WDR20: variants seen among roughly 807,000 people sequenced by gnomAD.
The protein encoded by WDR20 is WD repeat-containing protein 20.
WDR20 carries 3 observed loss-of-function variants against 38.7 expected under a neutral mutation model. The ratio of observed to expected loss-of-function variants is 0.08; its 90% CI spans 0.04 to 0.20. The LOEUF is 0.20. Among genes scored for constraint, WDR20 ranks in the 10% least tolerant of loss-of-function variants. The probability of loss-of-function intolerance (pLI) is 1.00; values close to 1 mark genes in which losing one functional copy is unlikely to be tolerated. For synonymous variants in WDR20, 298 were observed against 285.6 expected, an observed-to-expected ratio of 1.04 and a Z score of -0.44; for missense variants, 559 against 727.7, an observed-to-expected ratio of 0.77 and a Z score of 2.67.
At chr14:102,201,035 G>A (rs1255463400) in intron 2 of WDR20, among the ~76,000 whole-genome samples, 1 of 152,160 alleles carries the variant, frequency 6.6e-6, no homozygotes, top group Non-Finnish European at 1.5e-5. Context: ...TGTTAGTTTT[G>A]TTTCTGTTGA....
rs1003819094 is a variant in WDR20 at position 102,220,163 on chromosome 14, T to C, written c.1693-2667T>C. Among the ~76,000 whole-genome samples, 1 of 152,180 alleles carries C rather than the reference T, an allele frequency of 6.6e-6. No individual in the cohort carries two copies. Among genetic ancestry groups the C allele is most frequent in the Admixed American group, 6.5e-5 (1 of 15,290 alleles). On this transcript the variant is annotated intron_variant, in intron 3 of 3. Transcript: ENST00000335263. The surrounding 1 kb of genome is among the most constrained non-coding windows in gnomAD (Gnocchi z 4.2). ...GCCTGGTGGCTGCGCCACCTCTGCG[T>C]CTCAGCAGCCGCCCTCCCCTGGGAG...
In WDR20 at chr14:102,151,311, C is replaced by T. The variant is rs568836093; in HGVS notation, c.249+11139C>T. On this transcript the variant is annotated intron_variant, in intron 1 of 2. Coordinates refer to ENST00000342702, the MANE Select transcript of WDR20 (RefSeq NM_144574.4). The stretch of plus-strand genomic sequence containing the variant: ...TTACACGAGCTTTTCTGTCAAAAAA[C>T]GAACTATGACTGATACTGATGTGAT... Among the ~76,000 whole-genome samples the T allele has an allele frequency of 3.1e-4, 47 of 151,206 alleles. No individual in the cohort carries two copies. In the Middle Eastern group the frequency reaches 0.014, roughly 44 times the overall value.
chr14:102,147,355 C>T (rs764574294), intron 1 of WDR20, among the ~76,000 whole-genome samples: 23 of 152,318 alleles, frequency 1.5e-4, no homozygotes, highest in Middle Eastern at 6.8e-3. Flanking sequence ...TGCCAGTGCA[C>T]TCCAGCCTGG....
chr14:102,153,727 A>G (rs2056693934), intron 1 of WDR20, among the ~76,000 whole-genome samples: 1 of 152,114 alleles, frequency 6.6e-6, no homozygotes, highest in Admixed American at 6.6e-5. Context: ...ACCTCTTTAT[A>G]CTAACTGCTT....
At chr14:102,178,484 C>G (rs890815697) in intron 1 of WDR20, among the ~76,000 whole-genome samples, 1 of 152,074 alleles carries the variant, frequency 6.6e-6, no homozygotes, top group Non-Finnish European at 1.5e-5. Flanking sequence ...CCTCTTCTCC[C>G]TCTCTTCCCT....
At chr14:102,165,821 G>A (rs2152800352) in intron 1 of WDR20, among the ~76,000 whole-genome samples, 1 of 151,130 alleles carries the variant, frequency 6.6e-6, no homozygotes, top group Non-Finnish European at 1.5e-5. Context: ...TTTTTTTTTA[G>A]TAGAGACAGG....
intron 2 of WDR20, chr14:102,198,092 G>C (rs1265146860): frequency 3.0e-6 from 1 of 330,382 alleles, no homozygotes. Flanking sequence ...AATCACAGAG[G>C]TCTACTTTAT....
At chr14:102,155,998 G>A (rs564756435) in intron 1 of WDR20, among the ~76,000 whole-genome samples, 1 of 143,682 alleles carries the variant, frequency 7.0e-6, no homozygotes, top group Middle Eastern at 3.6e-3. Context: ...GGCTGGTGTT[G>A]AATTCCTGGG....
At chr14:102,170,836 A>G (rs2060653838) in intron 1 of WDR20, among the ~76,000 whole-genome samples, 1 of 151,782 alleles carries the variant, frequency 6.6e-6, no homozygotes, top group South Asian at 2.1e-4. Flanking sequence ...AGGGACAGAC[A>G]TTTTGTTCCA....
At chr14:102,193,609 C>A in intron 1 of WDR20, 2 of 1,220,930 alleles carry the variant, frequency 1.6e-6, no homozygotes, top group South Asian at 1.6e-5. Flanking sequence ...CAGACTTCTA[C>A]ATGTGCAAGG....
Position 102,161,142 on chromosome 14 carries a change from A to ATTTTTTTTTT in WDR20, c.249+20987_249+20996dup, listed in dbSNP as rs1233679287. Among the ~76,000 whole-genome samples the ATTTTTTTTTT allele has an allele frequency of 1.9e-4, 3 of 16,050 alleles. 1 individual carries two copies. Among genetic ancestry groups the ATTTTTTTTTT allele is most frequent in the African/African-American group, 3.2e-4 (1 of 3,130 alleles). The allele number at this position is 16,050 out of a possible 152,430, so 10.5% of individuals were successfully genotyped here. On this transcript the variant is annotated intron_variant, in intron 1 of 2. Coordinates refer to ENST00000342702, the MANE Select transcript of WDR20 (RefSeq NM_144574.4). ...ACTGCATATATATATATATATATAT[A>ATTTTTTTTTT]TTTTTTTTTTTTTTTTTTTTTTTTT...
At chr14:102,145,674 G>T (rs1021891486) in intron 1 of WDR20, among the ~76,000 whole-genome samples, 1 of 152,178 alleles carries the variant, frequency 6.6e-6, no homozygotes, top group Admixed American at 6.5e-5. Flanking sequence ...GGAAGGCTGA[G>T]GTAGAAGGGT....
At chr14:102,188,756 C>T (rs1285898248) in intron 1 of WDR20, among the ~76,000 whole-genome samples, 1 of 151,230 alleles carries the variant, frequency 6.6e-6, no homozygotes, top group African/African-American at 2.4e-5. Flanking sequence ...CATCTGTGTC[C>T]CAGCTACTTG....
intron 2 of WDR20, among the ~76,000 whole-genome samples, chr14:102,201,631 G>A (rs1177773748): frequency 1.3e-5 from 2 of 152,232 alleles, no homozygotes; most frequent in African/African-American, 2.4e-5. Context: ...CGCGCTGAGC[G>A]TTGAGTGGAG....
intron 1 of WDR20, among the ~76,000 whole-genome samples, chr14:102,191,923 A>T (rs571050257): frequency 6.6e-6 from 1 of 152,234 alleles, no homozygotes; most frequent in Admixed American, 6.5e-5. Context: ...AAAAGAATTA[A>T]TAGGAAAAGA....
intron 1 of WDR20, among the ~76,000 whole-genome samples, chr14:102,152,421 T>TC (rs1346159308): frequency 4.9e-4 from 10 of 20,318 alleles, no homozygotes; most frequent in Non-Finnish European, 3.9e-3. Context: ...AGGGTCTCTC[T>TC]TTTTTTTTTT....
intron 1 of WDR20, among the ~76,000 whole-genome samples, chr14:102,164,120 C>G (rs2059311004): frequency 6.6e-6 from 1 of 151,760 alleles, no homozygotes; most frequent in African/African-American, 2.4e-5. Flanking sequence ...AGAACCCTGA[C>G]TGATACACTG....
chr14:102,199,180 A>C (rs572999664), intron 2 of WDR20, among the ~76,000 whole-genome samples: 1 of 151,760 alleles, frequency 6.6e-6, no homozygotes, highest in Non-Finnish European at 1.5e-5. Flanking sequence ...GGGCTCGGAC[A>C]CCAGCTCTGC....
chr14:102,217,595 C>T (rs540425247), downstream of WDR20, among the ~76,000 whole-genome samples: 9 of 147,204 alleles, frequency 6.1e-5, no homozygotes, highest in South Asian at 4.2e-4. Flanking sequence ...AGATGGGTCC[C>T]GACGTCCCTG....
Sources: gnomAD v4.1 joint callset for allele counts (sites outside exome capture counted in the v4.1 genomes callset) on GRCh38, gnomAD v4.1.1 for gene constraint, Gnocchi (gnomAD v3.1) non-coding constraint, MANE v1.5 for transcripts, NCBI Gene and HGNC (gene_info 2026-07-23, HGNC 2026-07-21) for gene names.